GAB1: variants seen among roughly 807,000 people sequenced by gnomAD.
GAB1 encodes GRB2 associated binding protein 1.
A neutral mutation model predicts 66.5 loss-of-function variants in GAB1; 19 were observed. The ratio of observed to expected loss-of-function variants is 0.29; its 90% CI spans 0.20 to 0.42. The LOEUF (loss-of-function observed/expected upper bound fraction) is 0.42. Ranked by LOEUF, GAB1 falls within the 10% of genes least tolerant of loss-of-function variation. The pLI is 1.00. For synonymous variants in GAB1, 294 were observed against 301.4 expected, an observed-to-expected ratio of 0.98 and a Z score of 0.25; for missense variants, 732 against 858.5, an observed-to-expected ratio of 0.85 and a Z score of 1.84.
At chr4:143,456,616 TG>T (rs756060330) in intron 6 of GAB1, among the ~76,000 whole-genome samples, 2 of 152,190 alleles carry the variant, frequency 1.3e-5, no homozygotes, top group Admixed American at 6.5e-5. Context: ...ATAAACTCAA[TG>T]TATTGTGTAA....
chr4:143,447,565 T>C (rs943868485), intron 6 of GAB1, among the ~76,000 whole-genome samples: 40 of 152,340 alleles, frequency 2.6e-4, no homozygotes, highest in African/African-American at 9.4e-4. Context: ...CAATTGTGAA[T>C]GGGAGTTCAC....
intron 1 of GAB1, among the ~76,000 whole-genome samples, chr4:143,362,039 G>T (rs1032107093): frequency 6.6e-6 from 1 of 151,908 alleles, no homozygotes; most frequent in Non-Finnish European, 1.5e-5. Context: ...GATTACAGGT[G>T]TGAGCCACCA....
chr4:143,373,226 A>C (rs2149668636), intron 1 of GAB1, among the ~76,000 whole-genome samples: 1 of 152,332 alleles, frequency 6.6e-6, no homozygotes, highest in African/African-American at 2.4e-5. Context: ...ATTCTACATT[A>C]AGATCCTTTG....
intron 1 of GAB1, among the ~76,000 whole-genome samples, chr4:143,343,120 A>G (rs993528827): frequency 1.2e-4 from 19 of 152,104 alleles, no homozygotes; most frequent in Non-Finnish European, 1.9e-4. Flanking sequence ...GCATTTGACC[A>G]TTCTGATCCT....
chr4:143,431,725 T>G (rs564365263), intron 2 of GAB1, among the ~76,000 whole-genome samples: 17 of 152,244 alleles, frequency 1.1e-4, no homozygotes, highest in Middle Eastern at 3.4e-3. Context: ...AAACAAAGCA[T>G]TGCCACATGG....
chr4:143,452,849 G>A (rs1734995746), intron 6 of GAB1, among the ~76,000 whole-genome samples: 2 of 152,122 alleles, frequency 1.3e-5, no homozygotes, highest in Admixed American at 6.5e-5. Context: ...AAACATTCAG[G>A]CTCACATGAG....
intron 8 of GAB1, among the ~76,000 whole-genome samples, chr4:143,463,733 CTGGGTG>C (rs1735625179): frequency 1.3e-5 from 2 of 151,658 alleles, no homozygotes; most frequent in South Asian, 4.2e-4. Context: ...TGGGAAAATA[CTGGGTG>C]AAAGGCTAGA....
chr4:143,364,283 T>C (rs1340150153), intron 1 of GAB1, among the ~76,000 whole-genome samples: 1 of 152,186 alleles, frequency 6.6e-6, no homozygotes, highest in African/African-American at 2.4e-5. Context: ...CTTTCCTTCC[T>C]ACGTGCATGG....
intron 1 of GAB1, among the ~76,000 whole-genome samples, chr4:143,342,810 G>T (rs529447349): frequency 1.3e-5 from 2 of 151,804 alleles, no homozygotes; most frequent in African/African-American, 4.8e-5. Context: ...TGATCCGCCC[G>T]CCTCAGCCTC....
At chr4:143,437,216 G>C (rs1301715716) in intron 3 of GAB1, among the ~76,000 whole-genome samples, 1 of 152,184 alleles carries the variant, frequency 6.6e-6, no homozygotes, top group Non-Finnish European at 1.5e-5. Flanking sequence ...ACATGCAGAA[G>C]TAGTTCAGGT....
intron 1 of GAB1, among the ~76,000 whole-genome samples, chr4:143,388,071 C>T (rs1731001414): frequency 6.6e-6 from 1 of 152,150 alleles, no homozygotes; most frequent in African/African-American, 2.4e-5. Context: ...GTATTTCCCT[C>T]TCCAGCCCCT....
chr4:143,365,396 G>A (rs1729841483), intron 1 of GAB1, among the ~76,000 whole-genome samples: 1 of 152,138 alleles, frequency 6.6e-6, no homozygotes, highest in Non-Finnish European at 1.5e-5. Context: ...AAGGATAAAA[G>A]CCATGTCAAT....
chr4:143,372,600 TG>T (rs1560725047), intron 1 of GAB1, among the ~76,000 whole-genome samples: 7 of 152,210 alleles, frequency 4.6e-5, no homozygotes, highest in Admixed American at 3.3e-4. Flanking sequence ...TGTAATGCAG[TG>T]GCCAAAAAGC....
chr4:143,469,285 C>T lies in GAB1; in HGVS notation c.*96C>T, dbSNP rs1174367501. The T allele has an allele frequency of 1.6e-6, 2 of 1,261,154 alleles. No homozygotes were observed. Among genetic ancestry groups the T allele is most frequent in the Non-Finnish European group, 2.2e-6 (2 of 910,742 alleles). The allele number at this position is 1,261,154 out of a possible 1,614,324, so 78.1% of individuals were successfully genotyped here. ...TTGACACTTCCACTCTAGGTAGATCCTCAAATGAGTAGAGTTGAAGTCAAA... is the reference window on the plus strand; with the variant it reads ...TTGACACTTCCACTCTAGGTAGATCTTCAAATGAGTAGAGTTGAAGTCAAA... On this transcript the variant is annotated 3_prime_UTR_variant, in exon 10 of 10. Transcript: ENST00000262994.
At chr4:143,404,403 G>A (rs1230009422) in intron 1 of GAB1, among the ~76,000 whole-genome samples, 1 of 152,206 alleles carries the variant, frequency 6.6e-6, no homozygotes, top group Non-Finnish European at 1.5e-5. Context: ...AGACCCACAT[G>A]CTTGTTAGGA....
At chr4:143,446,486 C>G (rs920341528) in intron 6 of GAB1, among the ~76,000 whole-genome samples, 1 of 150,920 alleles carries the variant, frequency 6.6e-6, no homozygotes, top group African/African-American at 2.4e-5. Context: ...GATTGCCATT[C>G]TAACTGGTGT....
chr4:143,440,106 A>G lies in GAB1; in HGVS notation c.1309A>G (p.Ser437Gly), dbSNP rs1578719014. ...FKVKNVLTVG[S>G]VSSEELDENY... ...AGTCAAAAATGTGTTGACAGTGGGAAGTGTTTCAAGTGAAGAACTGGATGA... is the reference window on the plus strand; with the variant it reads ...AGTCAAAAATGTGTTGACAGTGGGAGGTGTTTCAAGTGAAGAACTGGATGA... Residue 437 changes from serine (S) to glycine (G), a missense_variant, in exon 6 of 10, where the codon AGT becomes GGT. By Grantham distance (56) the Ser-to-Gly change is moderately conservative. This residue lies in a region of GAB1 where 427 missense variants were observed against 420.6 expected (regional missense o/e 1.02). Transcript: ENST00000262994. The G allele has an allele frequency of 1.2e-6, 2 of 1,614,090 alleles. No individual in the cohort carries two copies. Among genetic ancestry groups the G allele is most frequent in the East Asian group, 2.2e-5 (1 of 44,882 alleles).
chr4:143,371,835 G>A (rs1041443810), intron 1 of GAB1, among the ~76,000 whole-genome samples: 5 of 152,034 alleles, frequency 3.3e-5, no homozygotes, highest in African/African-American at 4.8e-5. Flanking sequence ...GTTTTTGTCA[G>A]GTTTGTCAAA....
chr4:143,342,215 A>G (rs566723934), intron 1 of GAB1, among the ~76,000 whole-genome samples: 10 of 152,304 alleles, frequency 6.6e-5, no homozygotes, highest in African/African-American at 2.4e-4. Flanking sequence ...TCCAAATCTG[A>G]TTGCTACCTT....
Sources: allele counts gnomAD v4.1 joint callset (sites outside exome capture counted in the v4.1 genomes callset), GRCh38; gene constraint gnomAD v4.1.1; regional missense constraint gnomAD v4.1.1; transcripts MANE v1.5; gene names NCBI Gene and HGNC (gene_info 2026-07-23, HGNC 2026-07-21).